The following DMXL2 variants were observed in gnomAD, a reference collection of about 807,000 sequenced individuals.
DMXL2 encodes the protein Dmx like 2, also known as dmX-like protein 2.
A neutral mutation model predicts 331.1 loss-of-function variants in DMXL2; 103 were observed. The observed-to-expected ratio is 0.31, with a 90% confidence interval of 0.27 to 0.37. The LOEUF is 0.37. Ranked by LOEUF, DMXL2 falls within the 10% of genes least tolerant of loss-of-function variation. The probability of loss-of-function intolerance (pLI) is 1.00; values close to 1 mark genes in which losing one functional copy is unlikely to be tolerated. For missense variants in DMXL2, 3,171 were observed against 3,642.9 expected (o/e 0.87, Z 3.33); for synonymous variants, 1,281 against 1,252.1 (o/e 1.02, Z -0.49).
intron 13 of DMXL2, among the ~76,000 whole-genome samples, chr15:51,534,788 T>C (rs1443100938): frequency 1.3e-5 from 2 of 152,206 alleles, no homozygotes; most frequent in Admixed American, 6.5e-5. Flanking sequence ...ACAAAGAATT[T>C]ATCTTTCTAA....
chr15:51,564,394 G>A, intron 4 of DMXL2, 134 bp from the exon 5 acceptor site: 2 of 574,232 alleles, frequency 3.5e-6, no homozygotes, highest in African/African-American at 2.0e-5. Flanking sequence ...AAAAACACTT[G>A]GTATATATTT....
At chr15:51,495,849 AAAAAAC>A (rs922781179) in intron 18 of DMXL2, among the ~76,000 whole-genome samples, 97 of 152,240 alleles carry the variant, frequency 6.4e-4, no homozygotes, top group African/African-American at 2.3e-3. Flanking sequence ...TCCAGAAAAA[AAAAAAC>A]AAAAACTTTT....
At chr15:51,605,326 A>G (rs888472382) in intron 1 of DMXL2, among the ~76,000 whole-genome samples, 17 of 151,684 alleles carry the variant, frequency 1.1e-4, no homozygotes, top group African/African-American at 3.6e-4. Flanking sequence ...TCAACCTCCC[A>G]AGTGGCTGGG....
chr15:51,453,975 A>C, intron 40 of DMXL2: 1 of 196,422 alleles, frequency 5.1e-6, no homozygotes, highest in Non-Finnish European at 1.0e-5. Context: ...ACATGTAATA[A>C]ACTTTAACAG....
At chr15:51,606,004 C>T (rs986881008) in intron 1 of DMXL2, among the ~76,000 whole-genome samples, 2 of 152,206 alleles carry the variant, frequency 1.3e-5, no homozygotes. Flanking sequence ...ATTTGCTAAT[C>T]TAAAAGAGTG....
intron 1 of DMXL2, among the ~76,000 whole-genome samples, chr15:51,621,746 T>TA (rs145394721): frequency 0.16 from 23,593 of 151,774 alleles, 2,500 homozygotes; most frequent in Non-Finnish European, 0.22. Flanking sequence ...CTTACTATAT[T>TA]AAAAAAAAGG....
intron 21 of DMXL2, 55 bp from the exon 22 acceptor site, chr15:51,488,174 G>C: frequency 7.0e-7 from 1 of 1,436,116 alleles, no homozygotes; most frequent in Non-Finnish European, 9.4e-7. Context: ...ATGTTCTACA[G>C]AATGTATAAT....
intron 23 of DMXL2, among the ~76,000 whole-genome samples, chr15:51,482,066 ATATTT>A (rs1388654968): frequency 2.6e-5 from 4 of 152,224 alleles, no homozygotes; most frequent in Admixed American, 6.5e-5. Context: ...CTGGTTTTAT[ATATTT>A]TATTTTAACA....
rs746881175 is a variant in DMXL2, at chr15:51,538,324, G to A, written c.1234C>T (p.Arg412Ter). The change falls in exon 10 of 44, where the codon CGA becomes TGA. Residue 412 changes from arginine to a stop codon, truncating the protein, a stop_gained. Coordinates refer to ENST00000560891, the MANE Select transcript of DMXL2 (RefSeq NM_001378457.1). LOFTEE classifies it high-confidence loss of function. ...SSTEVFMHQLRKLSDKQVDHE... is the reference protein window; with the variant it reads ...SSTEVFMHQL ...TCTACCTGCTTATCAGAAAGTTTTCGTAATTGATGCATAAATACTTCTGTA... is the reference window on the plus strand; with the variant it reads ...TCTACCTGCTTATCAGAAAGTTTTCATAATTGATGCATAAATACTTCTGTA... The A allele has an allele frequency of 6.2e-7, 1 of 1,613,678 alleles. No individual in the cohort carries two copies.
At chr15:51,513,028 G>A (rs1189806107) in intron 15 of DMXL2, among the ~76,000 whole-genome samples, 1 of 152,032 alleles carries the variant, frequency 6.6e-6, no homozygotes, top group African/African-American at 2.4e-5. Context: ...CAGAGAAGAG[G>A]AGAAACCTAC....
intron 18 of DMXL2, among the ~76,000 whole-genome samples, chr15:51,497,156 T>G (rs2043241246): frequency 6.6e-6 from 1 of 152,210 alleles, no homozygotes; most frequent in Non-Finnish European, 1.5e-5. Context: ...CTCATAATGG[T>G]TAAGATTTTT....
chr15:51,596,851 C>T (rs943028906), intron 1 of DMXL2, among the ~76,000 whole-genome samples: 1 of 152,116 alleles, frequency 6.6e-6, no homozygotes, highest in Non-Finnish European at 1.5e-5. Flanking sequence ...TGTTCTCACT[C>T]ATAGGTGGGA....
At chr15:51,471,495 T>C in intron 28 of DMXL2, 94 bp from the exon 29 acceptor site, 2 of 1,256,658 alleles carry the variant, frequency 1.6e-6, no homozygotes, top group Non-Finnish European at 2.2e-6. Context: ...TCTTGCCATG[T>C]TTTGGTCTAA....
At chr15:51,597,806 A>T (rs771522763) in intron 1 of DMXL2, among the ~76,000 whole-genome samples, 2 of 152,208 alleles carry the variant, frequency 1.3e-5, no homozygotes, top group Non-Finnish European at 2.9e-5. Context: ...CACCAGATAC[A>T]TGTGAGAGTA....
chr15:51,485,894 T>C (rs2042359703), intron 23 of DMXL2, among the ~76,000 whole-genome samples, 179 bp downstream of exon 23: 1 of 152,212 alleles, frequency 6.6e-6, no homozygotes, highest in Non-Finnish European at 1.5e-5. Flanking sequence ...AATATATACG[T>C]AATTAGAATA....
chr15:51,451,552 C>A, intron 42 of DMXL2, 93 bp downstream of exon 42: 1 of 968,434 alleles, frequency 1.0e-6, no homozygotes. Context: ...AATAAACACT[C>A]ACTGGATTCA....
intron 29 of DMXL2, among the ~76,000 whole-genome samples, chr15:51,466,961 A>AATATAATAC (rs2040638843): frequency 6.6e-6 from 1 of 152,014 alleles, no homozygotes; most frequent in Non-Finnish European, 1.5e-5. Flanking sequence ...TTGATGCAAA[A>AATATAATAC]ATATAATACA....
intron 6 of DMXL2, among the ~76,000 whole-genome samples, chr15:51,551,901 C>T (rs953050302): frequency 1.3e-5 from 2 of 152,126 alleles, no homozygotes; most frequent in African/African-American, 2.4e-5. Context: ...AAGCAGAGGG[C>T]ACCAGGAAAG....
At chr15:51,621,615 C>T (rs2054631032) in intron 1 of DMXL2, among the ~76,000 whole-genome samples, 1 of 152,324 alleles carries the variant, frequency 6.6e-6, no homozygotes, top group South Asian at 2.1e-4. Context: ...TCAAAAAGGA[C>T]TGATGAGTCC....
Sources: gnomAD v4.1 joint callset for allele counts (sites outside exome capture counted in the v4.1 genomes callset) on GRCh38, gnomAD v4.1.1 for gene constraint, MANE v1.5 for transcripts, NCBI Gene and HGNC (gene_info 2026-07-23, HGNC 2026-07-21) for gene names.